CCDC138: variants seen among roughly 807,000 people sequenced by gnomAD.
The protein encoded by CCDC138 is coiled-coil domain-containing protein 138.
CCDC138 carries 66 observed loss-of-function variants against 82.3 expected under a neutral mutation model. The ratio of observed to expected loss-of-function variants is 0.80; its 90% CI spans 0.66 to 0.98. CCDC138 has a LOEUF of 0.98. CCDC138 is among the 50% of genes least tolerant of loss of function. The pLI, the probability that CCDC138 is intolerant of heterozygous loss-of-function variation, is 0.00. For synonymous variants in CCDC138, 297 were observed against 265.4 expected, an observed-to-expected ratio of 1.12 and a Z score of -1.16; for missense variants, 816 against 758.9, an observed-to-expected ratio of 1.08 and a Z score of -0.88.
intron 5 of CCDC138, among the ~76,000 whole-genome samples, chr2:108,795,891 G>T (rs1228426982): frequency 1.3e-5 from 2 of 152,040 alleles, no homozygotes; most frequent in Middle Eastern, 3.2e-3. Flanking sequence ...AAAAAGTCAG[G>T]TTTTAGGAAG....
rs1680905031 is a variant in CCDC138 at position 108,796,443 on chromosome 2, G to A, written c.576+1722G>A. 2.0e-5 allele frequency among the ~76,000 whole-genome samples: 3 copies of A among 152,280 alleles called. No individual in the cohort carries two copies. The South Asian group carries it at 6.2e-4, about 32-fold the overall frequency. ...ACTTTGGAGGTTCCTTAAACTATAA[G>A]TAGAACTACCGTATGATCCAGCAAT... is the stretch of plus-strand genomic sequence containing the variant. On this transcript the variant is annotated intron_variant, in intron 5 of 14. Coordinates refer to ENST00000295124, the MANE Select transcript of CCDC138 (RefSeq NM_144978.3).
At chr2:108,796,398 G>C (rs1391016442) in intron 5 of CCDC138, among the ~76,000 whole-genome samples, 1 of 152,170 alleles carries the variant, frequency 6.6e-6, no homozygotes, top group Non-Finnish European at 1.5e-5. Context: ...TACTTTGTAA[G>C]TACAGCCACT....
intron 12 of CCDC138, among the ~76,000 whole-genome samples, chr2:108,850,803 G>GT (rs1196608118): frequency 6.6e-6 from 1 of 152,050 alleles, no homozygotes; most frequent in Non-Finnish European, 1.5e-5. Flanking sequence ...CTTTAACTGT[G>GT]TTTTTTCTCT....
intron 11 of CCDC138, 97 bp from the exon 12 acceptor site, chr2:108,846,641 C>A: frequency 9.7e-7 from 1 of 1,028,020 alleles, no homozygotes; most frequent in Non-Finnish European, 1.4e-6. Context: ...TGCGCTACTG[C>A]ATTCCAACCT....
chr2:108,820,083 A>AAGATAGATAAT (rs1685417146), intron 10 of CCDC138, among the ~76,000 whole-genome samples: 3 of 152,212 alleles, frequency 2.0e-5, no homozygotes, highest in Non-Finnish European at 4.4e-5. Context: ...TACGCAGAAG[A>AAGATAGATAAT]CATCAACACA....
chr2:108,875,472 AG>A (rs1286499953), intron 14 of CCDC138, among the ~76,000 whole-genome samples: 2 of 152,158 alleles, frequency 1.3e-5, no homozygotes, highest in Non-Finnish European at 2.9e-5. Flanking sequence ...TACTCAAAAT[AG>A]GATGATCAAA....
chr2:108,791,783 T>C lies in CCDC138; in HGVS notation c.375T>C (p.Ser125=). 6.3e-7 allele frequency: 1 copy of C among 1,590,156 alleles called. No homozygotes were observed. Among genetic ancestry groups the C allele is most frequent in the Non-Finnish European group, 8.6e-7 (1 of 1,166,262 alleles). ...RVSTSKITKQ[S]FKEIEKVALP... is the part of the protein sequence containing the mutation. ...GTACCTCGAAAATAACCAAGCAGTC[T>C]TTTAAAGAAATAGAAAAAGGTAAAA... Residue 125 remains serine, a synonymous_variant, in exon 4 of 15, where the codon TCT becomes TCC. Coordinates refer to ENST00000295124, the MANE Select transcript of CCDC138 (RefSeq NM_144978.3).
At chr2:108,878,059 C>T (rs7609412), downstream of CCDC138, among the ~76,000 whole-genome samples, 143,002 of 152,314 alleles carry the variant, frequency 0.94, 67,213 homozygotes, top group East Asian at 1. Flanking sequence ...ATACCACTTA[C>T]GTACTATTCT....
chr2:108,819,996 T>G (rs1046567060), intron 10 of CCDC138, among the ~76,000 whole-genome samples: 2 of 152,096 alleles, frequency 1.3e-5, no homozygotes, highest in Non-Finnish European at 2.9e-5. Flanking sequence ...AAGATACAAA[T>G]TATAAGAAAG....
intron 10 of CCDC138, among the ~76,000 whole-genome samples, chr2:108,823,690 G>T (rs1263056476): frequency 6.6e-6 from 1 of 152,142 alleles, no homozygotes; most frequent in African/African-American, 2.4e-5. Context: ...ATAAAAAAGG[G>T]TGCACCTGGG....
chr2:108,796,352 C>T (rs1355280920), intron 5 of CCDC138, among the ~76,000 whole-genome samples: 1 of 152,146 alleles, frequency 6.6e-6, no homozygotes, highest in African/African-American at 2.4e-5. Flanking sequence ...CCGCGCCTGG[C>T]CAAATCAGTC....
intron 13 of CCDC138, among the ~76,000 whole-genome samples, chr2:108,871,370 T>TAAAAAAAAAA (rs59725353): frequency 1.3e-5 from 1 of 76,670 alleles, no homozygotes; most frequent in African/African-American, 4.9e-5. Flanking sequence ...CCAACTCTAT[T>TAAAAAAAAAA]AAAAAAAAAA....
At chr2:108,826,336 A>T (rs1686588894) in intron 10 of CCDC138, among the ~76,000 whole-genome samples, 1 of 152,134 alleles carries the variant, frequency 6.6e-6, no homozygotes, top group Admixed American at 6.5e-5. Flanking sequence ...CCAAATCCAG[A>T]TCCACAAAGA....
At chr2:108,826,401 A>G (rs1686601517) in intron 10 of CCDC138, among the ~76,000 whole-genome samples, 1 of 152,168 alleles carries the variant, frequency 6.6e-6, no homozygotes, top group Non-Finnish European at 1.5e-5. Flanking sequence ...TAACATGTTT[A>G]GGCCTTTGAT....
chr2:108,823,466 G>A (rs1686052668), intron 10 of CCDC138, among the ~76,000 whole-genome samples: 2 of 152,202 alleles, frequency 1.3e-5, no homozygotes, highest in Admixed American at 6.5e-5. Context: ...TGTATTGTTA[G>A]GTGACTTTTT....
intron 9 of CCDC138, among the ~76,000 whole-genome samples, chr2:108,814,885 C>G (rs1396630905): frequency 2.6e-5 from 4 of 151,970 alleles, no homozygotes; most frequent in Admixed American, 2.6e-4. Flanking sequence ...ATCCACCTGC[C>G]TCTGCCTCCC....
At chr2:108,853,687 C>T (rs1691921602) in intron 12 of CCDC138, among the ~76,000 whole-genome samples, 3 of 149,306 alleles carry the variant, frequency 2.0e-5, no homozygotes, top group Admixed American at 1.4e-4. Flanking sequence ...CTACGATGAC[C>T]ATCTAATTTT....
chr2:108,849,557 C>T (rs1025467239), intron 12 of CCDC138, among the ~76,000 whole-genome samples: 20 of 152,182 alleles, frequency 1.3e-4, no homozygotes, highest in African/African-American at 4.6e-4. Flanking sequence ...TCCCTGCCTT[C>T]ACTCTCTAGT....
chr2:108,885,308 A>G (rs1353248738), exon 3 of CCDC138: 1 of 152,194 alleles, frequency 6.6e-6, no homozygotes, highest in Non-Finnish European at 1.5e-5. Context: ...TTTCCCTGTC[A>G]ATAAGGCATT....
Sources: allele counts gnomAD v4.1 joint callset (sites outside exome capture counted in the v4.1 genomes callset), GRCh38; gene constraint gnomAD v4.1.1; transcripts MANE v1.5; gene names NCBI Gene and HGNC (gene_info 2026-07-23, HGNC 2026-07-21).